The following RFTN1 variants were observed in gnomAD, a reference collection of about 807,000 sequenced individuals.
The protein encoded by RFTN1 is raftlin.
A neutral mutation model predicts 46.5 loss-of-function variants in RFTN1; 26 were observed. That is an observed-to-expected ratio of 0.56 (90% confidence interval 0.41 to 0.78). The LOEUF (loss-of-function observed/expected upper bound fraction) is 0.78, where lower values mean the gene tolerates loss of function less well. Ranked by LOEUF, RFTN1 falls within the 30% of genes least tolerant of loss-of-function variation. The pLI is 0.00. For synonymous variants in RFTN1, 261 were observed against 284.2 expected (o/e 0.92, Z 0.82); for missense variants, 693 against 718.7 (o/e 0.96, Z 0.41).
chr3:16,389,525 A>T (rs559270288), intron 4 of RFTN1, among the ~76,000 whole-genome samples: 1 of 152,286 alleles, frequency 6.6e-6, no homozygotes, highest in East Asian at 1.9e-4. Context: ...GCTTTGCATT[A>T]ACAACTACTG....
Position 16,465,445 on chromosome 3 carries a change from C to T in RFTN1, c.145+28280G>A, listed in dbSNP as rs1253146106. The stretch of plus-strand genomic sequence containing the variant: ...ACACACACACACACACACACACACA[C>T]ACACACACACCCCATGCCTGATTAA... On this transcript the variant is annotated intron_variant, in intron 2 of 9. Coordinates refer to ENST00000334133, the MANE Select transcript of RFTN1 (RefSeq NM_015150.2). This position sits in a 1 kb window ranked among gnomAD's most constrained non-coding sequence, Gnocchi z 5.1. 6.6e-6 allele frequency among the ~76,000 whole-genome samples: 1 copy of T among 151,622 alleles called. No individual in the cohort carries two copies. Among genetic ancestry groups the T allele is most frequent in the African/African-American group, 2.4e-5 (1 of 41,124 alleles).
chr3:16,467,115 G>C (rs1213630287), intron 2 of RFTN1, among the ~76,000 whole-genome samples: 1 of 152,178 alleles, frequency 6.6e-6, no homozygotes, highest in African/African-American at 2.4e-5. Flanking sequence ...GTTTTGGGTA[G>C]AAGGAAATCA....
At chr3:16,359,980 C>G (rs1219046657) in intron 6 of RFTN1, among the ~76,000 whole-genome samples, 1 of 151,782 alleles carries the variant, frequency 6.6e-6, no homozygotes, top group African/African-American at 2.4e-5. Context: ...ACCCCATAAA[C>G]AAAAGGTCAT....
intron 3 of RFTN1, among the ~76,000 whole-genome samples, chr3:16,415,825 T>G (rs1036395379): frequency 3.3e-5 from 5 of 152,160 alleles, no homozygotes; most frequent in Admixed American, 6.5e-5. Flanking sequence ...TCCAAGTTAC[T>G]TATCCTCTTG....
rs555393870 is a variant in RFTN1 at position 16,345,457 on chromosome 3, T to C, written c.1146+12475A>G. ...GTTGTGAGGGTGTTTCTGGAAAAGA[T>C]TAGCATTTGAATGGGTCAACTGAGT... On this transcript the variant is annotated intron_variant, in intron 7 of 9. Coordinates refer to ENST00000334133, the MANE Select transcript of RFTN1 (RefSeq NM_015150.2). The surrounding 1 kb of genome is among the most constrained non-coding windows in gnomAD (Gnocchi z 5.2). 9.5e-4 allele frequency among the ~76,000 whole-genome samples: 144 copies of C among 152,290 alleles called. No individual in the cohort carries two copies. Among genetic ancestry groups the C allele is most frequent in the South Asian group, 4.4e-3 (21 of 4,822 alleles).
At position 16,326,789 on chromosome 3, in the gene RFTN1, C is replaced by T. The variant is rs149250933; in HGVS notation, c.1234G>A (p.Val412Ile). The change falls in exon 8 of 10, where the codon GTC becomes ATC. Residue 412 changes from valine (V) to isoleucine (I), a missense_variant. Physicochemically the swap from Val to Ile is conservative, Grantham distance 29. Transcript: ENST00000334133. ...TATTGTTACCTGGTAGTCTTGACGA[C>T]GGGAGTTGGTAGCACACAGGTGAGC... ...WQLTCVLPTP[V>I]VKTTSEGSVS... The T allele has an allele frequency of 1.3e-5, 21 of 1,613,946 alleles. No homozygotes were observed. The highest frequency in any genetic ancestry group is 1.6e-4 in the Middle Eastern group (1 of 6,062).
chr3:16,365,557 C>G (rs1408582862), intron 6 of RFTN1, among the ~76,000 whole-genome samples: 2 of 135,568 alleles, frequency 1.5e-5, no homozygotes, highest in Admixed American at 7.3e-5. Context: ...AATACCCATA[C>G]AAAGTGATAC....
At chr3:16,511,189 A>G (rs182379882) in intron 1 of RFTN1, among the ~76,000 whole-genome samples, 117 of 152,334 alleles carry the variant, frequency 7.7e-4, no homozygotes, top group African/African-American at 2.7e-3. Context: ...CTCTGTCTTG[A>G]TAAGGACTAG....
chr3:16,505,994 G>A (rs550828370), intron 1 of RFTN1, among the ~76,000 whole-genome samples: 5 of 152,096 alleles, frequency 3.3e-5, no homozygotes, highest in Non-Finnish European at 7.3e-5. Context: ...CTGCCCTCAT[G>A]GACCTTACCT....
intron 2 of RFTN1, among the ~76,000 whole-genome samples, chr3:16,456,335 T>C (rs2075904563): frequency 6.6e-6 from 1 of 152,190 alleles, no homozygotes; most frequent in Non-Finnish European, 1.5e-5. Context: ...TTCGGAGATC[T>C]GTGGTAGAAA....
Position 16,504,976 on chromosome 3 carries a change from G to A in RFTN1, c.-9+8466C>T, listed in dbSNP as rs548819459. Among the ~76,000 whole-genome samples the A allele has an allele frequency of 1.0e-3, 157 of 152,122 alleles. 2 individuals are homozygous for A. In the South Asian group the frequency reaches 0.029, roughly 28 times the overall value. ...AAAACCCCAGTATCAGCCTGCTCCC[G>A]CCACCATCCTCACCCTGACATTGGC... On this transcript the variant is annotated intron_variant, in intron 1 of 9. Transcript: ENST00000334133. The surrounding 1 kb of genome is among the most constrained non-coding windows in gnomAD (Gnocchi z 4.4).
In RFTN1 at chr3:16,381,742, T is replaced by C. The variant is rs544657212; in HGVS notation, c.442-3640A>G. Among the ~76,000 whole-genome samples, 2 of 152,150 alleles carry C rather than the reference T, an allele frequency of 1.3e-5. No individual in the cohort carries two copies. Among genetic ancestry groups the C allele is most frequent in the Admixed American group, 1.3e-4 (2 of 15,292 alleles). On this transcript the variant is annotated intron_variant, in intron 4 of 9. Transcript: ENST00000334133. This position sits in a 1 kb window ranked among gnomAD's most constrained non-coding sequence, Gnocchi z 4.2. ...GCAACAGCCTGGTGTGTTGAGGAAA[T>C]TTCTAGAAATATTTCTGGAACATGA...
intron 9 of RFTN1, among the ~76,000 whole-genome samples, chr3:16,323,047 C>G (rs1297891059): frequency 1.3e-5 from 2 of 152,168 alleles, no homozygotes; most frequent in Non-Finnish European, 2.9e-5. Context: ...TCGAGCCATC[C>G]CCACCCCATG....
At chr3:16,391,707 C>A (rs186465453) in intron 4 of RFTN1, among the ~76,000 whole-genome samples, 2 of 151,926 alleles carry the variant, frequency 1.3e-5, no homozygotes, top group Non-Finnish European at 1.5e-5. Flanking sequence ...TATATGGCAC[C>A]GAAACGCAGC....
intron 4 of RFTN1, among the ~76,000 whole-genome samples, chr3:16,392,645 A>C (rs1414961077): frequency 6.8e-6 from 1 of 146,262 alleles, no homozygotes; most frequent in Non-Finnish European, 1.5e-5. Flanking sequence ...TACATACATA[A>C]AAGTTATATG....
chr3:16,391,868 T>TG (rs2074350702), intron 4 of RFTN1, among the ~76,000 whole-genome samples: 2 of 106,048 alleles, frequency 1.9e-5, no homozygotes, highest in African/African-American at 9.4e-5. Context: ...GTTTTTTTTT[T>TG]GTTTTTTTTT....
At chr3:16,444,380 T>G (rs111570957) in intron 2 of RFTN1, among the ~76,000 whole-genome samples, 1 of 152,244 alleles carries the variant, frequency 6.6e-6, no homozygotes, top group African/African-American at 2.4e-5. Context: ...TATAAAATCT[T>G]AAGACTTAAT....
intron 8 of RFTN1, among the ~76,000 whole-genome samples, chr3:16,324,887 G>A (rs941315283): frequency 6.6e-6 from 1 of 151,772 alleles, no homozygotes; most frequent in African/African-American, 2.4e-5. Context: ...TTAGTTTTCT[G>A]AGAAACCTCT....
In RFTN1 at chr3:16,374,711, T is replaced by C. The variant is rs1305946774; in HGVS notation, c.826+3007A>G. Among the ~76,000 whole-genome samples, 2 of 152,210 alleles carry C rather than the reference T, an allele frequency of 1.3e-5. No homozygotes were observed. Among genetic ancestry groups the C allele is most frequent in the Non-Finnish European group, 2.9e-5 (2 of 68,038 alleles). On this transcript the variant is annotated intron_variant, in intron 5 of 9. Coordinates refer to ENST00000334133, the MANE Select transcript of RFTN1 (RefSeq NM_015150.2). This position sits in a 1 kb window ranked among gnomAD's most constrained non-coding sequence, Gnocchi z 5.4. ...AACCTGTCTAGCCTCCTGGTTTCTC[T>C]GATGGAAGCTGTGGCAACGGAGACA...
Sources: allele counts gnomAD v4.1 joint callset (sites outside exome capture counted in the v4.1 genomes callset), GRCh38; gene constraint gnomAD v4.1.1; non-coding constraint Gnocchi (gnomAD v3.1); transcripts MANE v1.5; gene names NCBI Gene and HGNC (gene_info 2026-07-23, HGNC 2026-07-21).